ADAMTSL1: variants seen among roughly 807,000 people sequenced by gnomAD.
ADAMTSL1 encodes the protein ADAMTS-like protein 1.
A neutral mutation model predicts 201.8 loss-of-function variants in ADAMTSL1; 126 were observed. That is an observed-to-expected ratio of 0.62 (90% CI 0.54 to 0.72). The LOEUF is 0.72. Ranked by LOEUF, ADAMTSL1 falls within the 30% of genes least tolerant of loss-of-function variation. The pLI is 0.00. For missense variants in ADAMTSL1, 2,679 were observed against 2,277.8 expected (o/e 1.18, Z -3.59); for synonymous variants, 1,121 against 903.4 (o/e 1.24, Z -4.32).
intron 1 of ADAMTSL1, among the ~76,000 whole-genome samples, chr9:17,960,286 C>G (rs1292102551): frequency 6.6e-6 from 1 of 152,152 alleles, no homozygotes; most frequent in Non-Finnish European, 1.5e-5. Context: ...CTGCTTGCAT[C>G]TTATTGAGCA....
At chr9:18,903,684 C>G (rs1191635579) in intron 26 of ADAMTSL1, among the ~76,000 whole-genome samples, 1 of 149,886 alleles carries the variant, frequency 6.7e-6, no homozygotes, top group Non-Finnish European at 1.5e-5. Flanking sequence ...AGCTTTGCTT[C>G]TCTACAGTTG....
chr9:17,937,286 G>A (rs899915027), intron 1 of ADAMTSL1, among the ~76,000 whole-genome samples: 2 of 152,020 alleles, frequency 1.3e-5, no homozygotes, highest in African/African-American at 4.8e-5. Context: ...CCATTTCAGG[G>A]GAGGCTTTAT....
chr9:18,313,866 G>T (rs1032422493), intron 2 of ADAMTSL1, among the ~76,000 whole-genome samples: 2 of 152,122 alleles, frequency 1.3e-5, no homozygotes, highest in African/African-American at 4.8e-5. Context: ...CTTCTGCACA[G>T]CAAACAGTCA....
chr9:18,338,092 T>C (rs760539283), intron 2 of ADAMTSL1, among the ~76,000 whole-genome samples: 1 of 152,176 alleles, frequency 6.6e-6, no homozygotes, highest in Non-Finnish European at 1.5e-5. Context: ...GAATACATGG[T>C]CTACTACCTC....
chr9:18,849,220 G>T (rs2131362679), intron 23 of ADAMTSL1, among the ~76,000 whole-genome samples: 1 of 152,286 alleles, frequency 6.6e-6, no homozygotes, highest in South Asian at 2.1e-4. Context: ...GCAGGGCCTT[G>T]ACTTGGAAGG....
At chr9:18,455,024 G>T (rs1820549210) in intron 2 of ADAMTSL1, among the ~76,000 whole-genome samples, 1 of 151,948 alleles carries the variant, frequency 6.6e-6, no homozygotes, top group African/African-American at 2.4e-5. Flanking sequence ...AGGGTGGGTG[G>T]GTGTGAATAT....
chr9:17,925,379 C>G (rs1214881187), intron 1 of ADAMTSL1, among the ~76,000 whole-genome samples: 1 of 117,580 alleles, frequency 8.5e-6, no homozygotes, highest in East Asian at 3.5e-4. Flanking sequence ...GACTATAAAT[C>G]ATGCTGCTAT....
chr9:17,947,312 TACACACACACAC>T (rs34840423), intron 1 of ADAMTSL1, among the ~76,000 whole-genome samples: 8 of 143,382 alleles, frequency 5.6e-5, no homozygotes, highest in African/African-American at 1.0e-4. Flanking sequence ...TATACACACA[TACACACACACAC>T]ACACACACAC....
At chr9:18,185,876 T>G (rs571808795) in intron 2 of ADAMTSL1, among the ~76,000 whole-genome samples, 9 of 152,182 alleles carry the variant, frequency 5.9e-5, no homozygotes, top group Non-Finnish European at 1.3e-4. Flanking sequence ...GTTTCACAAT[T>G]ATTGATGTGG....
intron 1 of ADAMTSL1, among the ~76,000 whole-genome samples, chr9:18,143,696 C>T (rs527954866): frequency 2.6e-5 from 4 of 152,278 alleles, no homozygotes; most frequent in South Asian, 2.1e-4. Context: ...TGCAAATTCT[C>T]AAGTGCAAAT....
At chr9:18,649,082 C>T (rs1328026461) in intron 7 of ADAMTSL1, among the ~76,000 whole-genome samples, 2 of 152,084 alleles carry the variant, frequency 1.3e-5, no homozygotes, top group Admixed American at 6.5e-5. Flanking sequence ...AGGCTTTGTT[C>T]GTTTCTTTTT....
At chr9:18,655,104 A>G (rs1011306919) in intron 7 of ADAMTSL1, among the ~76,000 whole-genome samples, 13 of 152,370 alleles carry the variant, frequency 8.5e-5, no homozygotes, top group East Asian at 1.9e-4. Flanking sequence ...CAAAGCTCAC[A>G]TATTGCCTTT....
chr9:18,242,732 A>C (rs1428913158), intron 2 of ADAMTSL1, among the ~76,000 whole-genome samples: 2 of 152,156 alleles, frequency 1.3e-5, no homozygotes, highest in African/African-American at 2.4e-5. Context: ...AATTGAAAAA[A>C]TTGATAAAAC....
chr9:18,796,206 G>A (rs540889805), intron 20 of ADAMTSL1, among the ~76,000 whole-genome samples: 8 of 152,156 alleles, frequency 5.3e-5, no homozygotes, highest in South Asian at 2.1e-4. Flanking sequence ...CCTTTGAAAC[G>A]GAAAGAGAAC....
intron 2 of ADAMTSL1, among the ~76,000 whole-genome samples, chr9:18,322,737 A>G (rs1834676622): frequency 6.6e-6 from 1 of 152,208 alleles, no homozygotes; most frequent in Admixed American, 6.5e-5. Context: ...TACCAGAAAT[A>G]AGAGTGGTTA....
At chr9:17,944,015 G>A (rs1827350795) in intron 1 of ADAMTSL1, among the ~76,000 whole-genome samples, 1 of 151,590 alleles carries the variant, frequency 6.6e-6, no homozygotes, top group Non-Finnish European at 1.5e-5. Context: ...CACAAAGACA[G>A]CACCAAGCCA....
intron 2 of ADAMTSL1, among the ~76,000 whole-genome samples, chr9:18,253,445 G>T (rs182335206): frequency 6.6e-6 from 1 of 152,104 alleles, no homozygotes; most frequent in East Asian, 1.9e-4. Context: ...TTTTATCAAA[G>T]ATAGTGTAAA....
chr9:18,343,708 C>T (rs1476229698), intron 2 of ADAMTSL1, among the ~76,000 whole-genome samples: 3 of 152,210 alleles, frequency 2.0e-5, no homozygotes, highest in Admixed American at 6.6e-5. Flanking sequence ...CTAGGTTGCA[C>T]CATCTGAGCT....
chr9:18,609,899 G>A (rs1825271567), intron 4 of ADAMTSL1, among the ~76,000 whole-genome samples: 1 of 152,122 alleles, frequency 6.6e-6, no homozygotes, highest in Non-Finnish European at 1.5e-5. Context: ...TATAAAATAG[G>A]TTGGATTATA....
Sources: allele counts gnomAD v4.1 joint callset (sites outside exome capture counted in the v4.1 genomes callset), GRCh38; gene constraint gnomAD v4.1.1; transcripts MANE v1.5; gene names NCBI Gene and HGNC (gene_info 2026-07-23, HGNC 2026-07-21).